Variants in TM9SF3 observed in about 807,000 individuals in gnomAD.
TM9SF3 encodes transmembrane 9 superfamily member 3, also known as SM-11044-binding protein.
Under a neutral mutation model 78.6 loss-of-function variants are expected in TM9SF3, and 14 were observed. That is an observed-to-expected ratio of 0.18 (90% CI 0.12 to 0.28). TM9SF3 has a LOEUF of 0.28. Ranked by LOEUF, TM9SF3 falls within the 10% of genes least tolerant of loss-of-function variation. The pLI, the probability that TM9SF3 is intolerant of heterozygous loss-of-function variation, is 1.00. For synonymous variants in TM9SF3, 231 were observed against 241.7 expected (o/e 0.96, Z 0.41); for missense variants, 496 against 721.9 (o/e 0.69, Z 3.59).
intron 5 of TM9SF3, among the ~76,000 whole-genome samples, chr10:96,555,673 C>T (rs989642867): frequency 2.6e-5 from 4 of 152,126 alleles, no homozygotes; most frequent in Non-Finnish European, 5.9e-5. Flanking sequence ...CTTCATTCAA[C>T]AATTTATTTA....
At chr10:96,532,343 A>G (rs1361979840) in intron 10 of TM9SF3, among the ~76,000 whole-genome samples, 1 of 152,162 alleles carries the variant, frequency 6.6e-6, no homozygotes. Flanking sequence ...GGGCTATTTT[A>G]TTCATCCTCC....
At chr10:96,524,259 T>C (rs1847814107) in intron 14 of TM9SF3, among the ~76,000 whole-genome samples, 1 of 151,900 alleles carries the variant, frequency 6.6e-6, no homozygotes, top group Admixed American at 6.6e-5. Context: ...TCTTTTATAA[T>C]AGGAAATAAC....
chr10:96,560,363 T>C (rs1848290787), intron 4 of TM9SF3: 2 of 739,336 alleles, frequency 2.7e-6, no homozygotes, highest in Admixed American at 3.5e-5. Context: ...TTGCATATTG[T>C]TGAAGCAGAG....
At position 96,521,614 on chromosome 10, in the gene TM9SF3, T is replaced by A. The variant is rs1195541924; in HGVS notation, c.*649A>T. On this transcript the variant is annotated 3_prime_UTR_variant, in exon 15 of 15. Transcript: ENST00000371142. The stretch of plus-strand genomic sequence containing the variant: ...GAATTAAGATGTAACTGTATAGTTT[T>A]AAGATAAATAAATGGGAAGTTGGTC... The A allele has an allele frequency of 6.6e-6, 1 of 152,452 alleles. No homozygotes were observed. Among genetic ancestry groups the A allele is most frequent in the African/African-American group, 2.4e-5 (1 of 41,376 alleles). The allele number at this position is 152,452 out of a possible 1,614,324, so 9.4% of individuals were successfully genotyped here.
Position 96,547,956 on chromosome 10 carries a change from G to C in TM9SF3, c.993C>G (p.Val331=). The change falls in exon 8 of 15, where the codon GTC becomes GTG. Residue 331 remains valine (V), a synonymous_variant. Transcript: ENST00000371142. ...CATTCACTGGAGACGTAGCAGCATA[G>C]ACAAATATGGCTGTACTGAGCATTG... The part of the protein sequence containing the change: ...RGSMLSTAIF[V]YAATSPVNGY... 1.9e-6 allele frequency: 3 copies of C among 1,612,848 alleles called. No individual in the cohort carries two copies. Among genetic ancestry groups the C allele is most frequent in the Non-Finnish European group, 2.5e-6 (3 of 1,179,572 alleles).
At position 96,585,399 on chromosome 10, in the gene TM9SF3, G is replaced by C. The variant is rs187240295; in HGVS notation, c.102+1335C>G. 6.3e-3 allele frequency among the ~76,000 whole-genome samples: 958 copies of C among 152,272 alleles called. 6 individuals carry two copies. The highest frequency in any genetic ancestry group is 0.01 in the Admixed American group (160 of 15,294). On this transcript the variant is annotated intron_variant, in intron 1 of 14. Coordinates refer to ENST00000371142, the MANE Select transcript of TM9SF3 (RefSeq NM_020123.4). ...TAAACTTTGAGACAGCTTATCTGAT[G>C]AAAGAACACAAAAGGAAATCGTTTT...
intron 1 of TM9SF3, among the ~76,000 whole-genome samples, chr10:96,577,268 A>T (rs899018146): frequency 1.3e-5 from 2 of 150,538 alleles, no homozygotes; most frequent in African/African-American, 4.9e-5. Context: ...TAATGTTGCC[A>T]GCAAGCATAA....
intron 9 of TM9SF3, among the ~76,000 whole-genome samples, chr10:96,538,349 T>G (rs1847983415): frequency 6.6e-6 from 1 of 152,172 alleles, no homozygotes; most frequent in Non-Finnish European, 1.5e-5. Context: ...AAAACCCCTC[T>G]GGCCCTTAAC....
chr10:96,579,273 T>G (rs1290405756), intron 1 of TM9SF3, among the ~76,000 whole-genome samples: 1 of 152,212 alleles, frequency 6.6e-6, no homozygotes, highest in Non-Finnish European at 1.5e-5. Context: ...TTCATCTATT[T>G]AAGAGCAGAA....
At chr10:96,536,184 C>CAA (rs143861820) in intron 9 of TM9SF3, among the ~76,000 whole-genome samples, 11 of 151,564 alleles carry the variant, frequency 7.3e-5, no homozygotes, top group South Asian at 4.2e-4. Flanking sequence ...AGGGCATCTA[C>CAA]AAATAAAATA....
chr10:96,586,460 C>A (rs369538016), intron 1 of TM9SF3, among the ~76,000 whole-genome samples: 2 of 152,240 alleles, frequency 1.3e-5, no homozygotes, highest in Admixed American at 1.3e-4. Flanking sequence ...CCCAGGGTCC[C>A]AGGAACCCCG....
At chr10:96,545,979 T>C (rs908299715) in intron 8 of TM9SF3, among the ~76,000 whole-genome samples, 1 of 152,210 alleles carries the variant, frequency 6.6e-6, no homozygotes, top group African/African-American at 2.4e-5. Context: ...AAGAATCCTG[T>C]ACACATTCCA....
intron 2 of TM9SF3, among the ~76,000 whole-genome samples, chr10:96,575,978 T>C (rs1009304752): frequency 6.6e-6 from 1 of 152,210 alleles, no homozygotes; most frequent in African/African-American, 2.4e-5. Flanking sequence ...TACGATGAAG[T>C]ATTTTCCCCA....
intron 5 of TM9SF3, among the ~76,000 whole-genome samples, chr10:96,557,028 T>G (rs538444675): frequency 1.3e-5 from 2 of 152,148 alleles, no homozygotes; most frequent in Non-Finnish European, 2.9e-5. Flanking sequence ...CCCCTGTTCT[T>G]CCTAAACTCT....
At chr10:96,575,292 C>G (rs1848484752) in intron 2 of TM9SF3, among the ~76,000 whole-genome samples, 1 of 152,086 alleles carries the variant, frequency 6.6e-6, no homozygotes, top group South Asian at 2.1e-4. Context: ...ATCACATTTT[C>G]TAGTTTAAGT....
rs1564931620 is a variant in TM9SF3 at position 96,544,150 on chromosome 10, A to T, written c.1111T>A (p.Cys371Ser). 1 of 1,613,540 alleles carries T rather than the reference A, an allele frequency of 6.2e-7. No homozygotes were observed. Among genetic ancestry groups the T allele is most frequent in the Admixed American group, 1.7e-5 (1 of 59,978 alleles). ...IGAFLIPAMV[C>S]GTAFFINFIA... ...AAATTGATGAAGAAGGCAGTGCCACACACCATAGCTGGGATAAGGAATGCC... is the reference window on the plus strand; with the variant it reads ...AAATTGATGAAGAAGGCAGTGCCACTCACCATAGCTGGGATAAGGAATGCC... Residue 371 changes from cysteine (C) to serine (S), a missense_variant, in exon 9 of 15, where the codon TGT becomes AGT. Around this residue, in one of 4 missense-constraint regions of TM9SF3, gnomAD observed 280 missense variants for 422.6 expected, o/e 0.66. Coordinates refer to ENST00000371142, the MANE Select transcript of TM9SF3 (RefSeq NM_020123.4).
intron 4 of TM9SF3, among the ~76,000 whole-genome samples, chr10:96,561,322 TAA>T (rs1415732530): frequency 6.6e-6 from 1 of 152,218 alleles, no homozygotes; most frequent in Non-Finnish European, 1.5e-5. Flanking sequence ...ATTTTTTCAT[TAA>T]GTTTAGTTAT....
At chr10:96,555,903 G>A (rs778366174) in intron 5 of TM9SF3, among the ~76,000 whole-genome samples, 4 of 152,072 alleles carry the variant, frequency 2.6e-5, no homozygotes, top group Non-Finnish European at 5.9e-5. Context: ...CCATCTTTTA[G>A]TCAATTTATC....
chr10:96,529,236 G>A (rs967705206), intron 11 of TM9SF3, among the ~76,000 whole-genome samples: 2 of 152,142 alleles, frequency 1.3e-5, no homozygotes, highest in South Asian at 4.1e-4. Flanking sequence ...AATGCCCATA[G>A]CATATGCAGA....
Sources: gnomAD v4.1 joint callset for allele counts (sites outside exome capture counted in the v4.1 genomes callset) on GRCh38, gnomAD v4.1.1 for gene constraint, gnomAD v4.1.1 regional missense constraint, MANE v1.5 for transcripts, NCBI Gene and HGNC (gene_info 2026-07-23, HGNC 2026-07-21) for gene names.